TMTC2: variants seen among roughly 807,000 people sequenced by gnomAD.
TMTC2 encodes the protein protein O-mannosyl-transferase TMTC2.
TMTC2 carries 43 observed loss-of-function variants against 82.4 expected under a neutral mutation model. The observed-to-expected ratio is 0.52, with a 90% CI of 0.41 to 0.67. TMTC2 has a LOEUF of 0.67. Ranked by LOEUF, TMTC2 falls within the 30% of genes least tolerant of loss-of-function variation. The pLI, the probability that TMTC2 is intolerant of heterozygous loss-of-function variation, is 0.00. For missense variants in TMTC2, 919 were observed against 1,012.4 expected (o/e 0.91, Z 1.25); for synonymous variants, 408 against 381.9 (o/e 1.07, Z -0.80).
rs1881457828 is a variant in TMTC2 at position 83,032,252 on chromosome 12, A to C, written c.2152+1373A>C. On this transcript the variant is annotated intron_variant, in intron 9 of 11. Transcript: ENST00000321196. Reference sequence around the variant, plus strand: ...CTTGTTTCCTATAATATTATAGAGAATATTTTATATATATATATATATATA... The same window carrying C: ...CTTGTTTCCTATAATATTATAGAGACTATTTTATATATATATATATATATA... Among the ~76,000 whole-genome samples, 2 of 110,258 alleles carry C rather than the reference A, an allele frequency of 1.8e-5. 1 individual carries two copies. The highest frequency in any genetic ancestry group is 7.8e-5 in the African/African-American group (2 of 25,780). 72.3% of individuals were successfully genotyped at this position (110,258 alleles called of 152,430 possible).
intron 1 of TMTC2, among the ~76,000 whole-genome samples, chr12:82,796,658 C>T (rs1878735219): frequency 6.6e-6 from 1 of 152,112 alleles, no homozygotes; most frequent in Non-Finnish European, 1.5e-5. Context: ...AAGTGACAGC[C>T]TCCTCCTCAG....
At chr12:83,113,991 C>T (rs1884677695) in intron 11 of TMTC2, among the ~76,000 whole-genome samples, 1 of 152,120 alleles carries the variant, frequency 6.6e-6, no homozygotes, top group Non-Finnish European at 1.5e-5. Flanking sequence ...CTGCTTTGTA[C>T]TGTCATGGTG....
chr12:83,128,402 C>T (rs1486837385), intron 11 of TMTC2, among the ~76,000 whole-genome samples: 1 of 151,174 alleles, frequency 6.6e-6, no homozygotes, highest in Admixed American at 6.6e-5. Context: ...TTTATGGCTT[C>T]TGCTTAAAAA....
At position 83,071,299 on chromosome 12, in the gene TMTC2, C is replaced by T. The variant is rs11503557; in HGVS notation, c.2331+9468C>T. ...CCTCCTGAGTAGCTGGGACTACAGG[C>T]AACTGCTACCATGCCCGGCTAATTT... On this transcript the variant is annotated intron_variant, in intron 11 of 11. Coordinates refer to ENST00000321196, the MANE Select transcript of TMTC2 (RefSeq NM_152588.3). Among the ~76,000 whole-genome samples, 358 of 151,724 alleles carry T rather than the reference C, an allele frequency of 2.4e-3. 3 individuals carry two copies. The highest frequency in any genetic ancestry group is 8.3e-3 in the African/African-American group (341 of 41,132).
chr12:82,906,193 T>C, intron 3 of TMTC2, among the ~76,000 whole-genome samples: 1 of 152,162 alleles, frequency 6.6e-6, no homozygotes, highest in Non-Finnish European at 1.5e-5. Flanking sequence ...TTTTATAGTC[T>C]AAGCTTTTGT....
chr12:82,936,699 TATAA>T (rs140858224), intron 4 of TMTC2, among the ~76,000 whole-genome samples: 2,044 of 152,216 alleles, frequency 0.013, 45 homozygotes, highest in African/African-American at 0.047. Context: ...AAAGCAAACT[TATAA>T]ATAAACTAGG....
chr12:82,710,667 A>G (rs1299205527), intron 1 of TMTC2, among the ~76,000 whole-genome samples: 2 of 152,232 alleles, frequency 1.3e-5, no homozygotes, highest in Non-Finnish European at 2.9e-5. Context: ...AATGGGGTAA[A>G]TATTTCTTGT....
At chr12:82,730,225 G>T (rs1874714778) in intron 1 of TMTC2, among the ~76,000 whole-genome samples, 1 of 141,658 alleles carries the variant, frequency 7.1e-6, no homozygotes, top group African/African-American at 2.6e-5. Flanking sequence ...AACCCAGGAG[G>T]CAGAGGTTGC....
intron 1 of TMTC2, among the ~76,000 whole-genome samples, chr12:82,774,008 G>T (rs1484748877): frequency 1.3e-5 from 2 of 151,992 alleles, no homozygotes; most frequent in Non-Finnish European, 1.5e-5. Flanking sequence ...ATATTGCCCT[G>T]CCAATGGTTA....
intron 3 of TMTC2, among the ~76,000 whole-genome samples, chr12:82,926,149 T>A (rs1021382456): frequency 6.6e-6 from 1 of 151,960 alleles, no homozygotes; most frequent in Admixed American, 6.6e-5. Flanking sequence ...CCCAGCTAAT[T>A]TTTTGTATTT....
intron 1 of TMTC2, among the ~76,000 whole-genome samples, chr12:82,721,170 T>C (rs1416678844): frequency 6.6e-6 from 1 of 152,218 alleles, no homozygotes; most frequent in East Asian, 1.9e-4. Flanking sequence ...GCTATCATCC[T>C]TCCTCCTCCA....
At chr12:82,700,886 G>T (rs1873044299) in intron 1 of TMTC2, among the ~76,000 whole-genome samples, 1 of 152,158 alleles carries the variant, frequency 6.6e-6, no homozygotes, top group Non-Finnish European at 1.5e-5. Context: ...TCACAATCAT[G>T]GCAGAAGGTG....
intron 1 of TMTC2, among the ~76,000 whole-genome samples, chr12:82,729,765 C>G (rs543382092): frequency 5.3e-5 from 8 of 152,188 alleles, no homozygotes; most frequent in African/African-American, 1.9e-4. Context: ...GGCCGTTTTC[C>G]GTGCTGTGGT....
At chr12:82,861,519 G>T (rs1037274764) in intron 2 of TMTC2, among the ~76,000 whole-genome samples, 2 of 152,164 alleles carry the variant, frequency 1.3e-5, no homozygotes, top group Admixed American at 1.3e-4. Flanking sequence ...AAGGAAATAT[G>T]AAAGTTATAT....
At chr12:83,001,475 T>TC (rs1565847107) in intron 8 of TMTC2, among the ~76,000 whole-genome samples, 1 of 150,942 alleles carries the variant, frequency 6.6e-6, no homozygotes, top group African/African-American at 2.4e-5. Flanking sequence ...CCGTCTCTAC[T>TC]AAAAACAAAA....
chr12:83,051,470 C>T (rs938070483), intron 10 of TMTC2, among the ~76,000 whole-genome samples: 2 of 151,976 alleles, frequency 1.3e-5, no homozygotes, highest in Non-Finnish European at 2.9e-5. Flanking sequence ...AAAATTACTG[C>T]GACCTCCTTT....
chr12:83,112,955 G>A (rs1330378150), intron 11 of TMTC2, among the ~76,000 whole-genome samples: 4 of 152,188 alleles, frequency 2.6e-5, no homozygotes, highest in African/African-American at 9.7e-5. Flanking sequence ...AGATGAGTCT[G>A]AAAGAAATCA....
chr12:82,753,904 G>A (rs1163692432), intron 1 of TMTC2, among the ~76,000 whole-genome samples: 1 of 152,218 alleles, frequency 6.6e-6, no homozygotes, highest in Admixed American at 6.5e-5. Context: ...AACATTGATG[G>A]AGTTGGAGCT....
intron 11 of TMTC2, among the ~76,000 whole-genome samples, chr12:83,098,543 A>C (rs1322897788): frequency 6.6e-6 from 1 of 152,240 alleles, no homozygotes; most frequent in Non-Finnish European, 1.5e-5. Context: ...TTTCCAAAAC[A>C]CATGTTTTGT....
Sources: allele counts gnomAD v4.1 joint callset (sites outside exome capture counted in the v4.1 genomes callset), GRCh38; gene constraint gnomAD v4.1.1; transcripts MANE v1.5; gene names NCBI Gene and HGNC (gene_info 2026-07-23, HGNC 2026-07-21).